Variants in ARHGEF28 observed in about 807,000 individuals in gnomAD.
ARHGEF28 encodes the protein 190 kDa guanine nucleotide exchange factor.
ARHGEF28 carries 152 observed loss-of-function variants against 206.6 expected under a neutral mutation model. The ratio of observed to expected loss-of-function variants is 0.74; its 90% CI spans 0.64 to 0.84. The LOEUF is 0.84. Among genes scored for constraint, ARHGEF28 ranks in the 40% least tolerant of loss-of-function variants. ARHGEF28 has a pLI of 0.00. For missense variants in ARHGEF28, 2,028 were observed against 2,073.2 expected (o/e 0.98, Z 0.42); for synonymous variants, 763 against 776.4 (o/e 0.98, Z 0.29).
chr5:73,709,402 G>C (rs1749119045), intron 2 of ARHGEF28, among the ~76,000 whole-genome samples: 1 of 151,998 alleles, frequency 6.6e-6, no homozygotes, highest in Non-Finnish European at 1.5e-5. Context: ...CCTTCCTATA[G>C]TTTTGCCTTT....
intron 14 of ARHGEF28, 105 bp from the exon 15 acceptor site, chr5:73,857,551 A>C (rs1483666940): frequency 2.5e-6 from 3 of 1,210,392 alleles, no homozygotes; most frequent in Non-Finnish European, 2.2e-6. Flanking sequence ...ATACATACAC[A>C]TACATATATG....
chr5:73,847,843 A>C (rs141224739), intron 12 of ARHGEF28, among the ~76,000 whole-genome samples: 107 of 152,314 alleles, frequency 7.0e-4, no homozygotes, highest in Non-Finnish European at 9.0e-4. Flanking sequence ...TTATAGGACA[A>C]CTTGGGTTGG....
chr5:73,656,160 G>A (rs1423769232), intron 1 of ARHGEF28, among the ~76,000 whole-genome samples: 1 of 152,162 alleles, frequency 6.6e-6, no homozygotes, highest in Non-Finnish European at 1.5e-5. Flanking sequence ...CCTTAAGGGC[G>A]AGAATGGTCT....
At chr5:73,747,429 T>A (rs1751782525) in intron 2 of ARHGEF28, among the ~76,000 whole-genome samples, 1 of 152,224 alleles carries the variant, frequency 6.6e-6, no homozygotes, top group Admixed American at 6.5e-5. Flanking sequence ...TACTTGCATA[T>A]TCTTTCAGAA....
At chr5:73,650,957 C>G (rs760734665) in intron 1 of ARHGEF28, among the ~76,000 whole-genome samples, 1 of 152,162 alleles carries the variant, frequency 6.6e-6, no homozygotes, top group Non-Finnish European at 1.5e-5. Context: ...CTTTTGTAAA[C>G]GTGTCCCAAC....
chr5:73,891,675 C>G (rs1169030950), intron 26 of ARHGEF28, among the ~76,000 whole-genome samples: 1 of 152,018 alleles, frequency 6.6e-6, no homozygotes, highest in Non-Finnish European at 1.5e-5. Context: ...CAGGCGCACA[C>G]CAGCACATCT....
intron 25 of ARHGEF28, among the ~76,000 whole-genome samples, chr5:73,886,338 G>C (rs1216113370): frequency 6.6e-6 from 1 of 152,192 alleles, no homozygotes; most frequent in East Asian, 1.9e-4. Context: ...GAATTTGCAA[G>C]TTTGTGATGT....
At chr5:73,676,870 C>T (rs1031943956) in intron 1 of ARHGEF28, among the ~76,000 whole-genome samples, 1 of 152,168 alleles carries the variant, frequency 6.6e-6, no homozygotes, top group South Asian at 2.1e-4. Flanking sequence ...TAGGCATGGC[C>T]TATGGTGTGT....
chr5:73,855,075 G>A (rs1032113054), intron 14 of ARHGEF28, among the ~76,000 whole-genome samples: 2 of 152,130 alleles, frequency 1.3e-5, no homozygotes, highest in Admixed American at 1.3e-4. Context: ...GTTCTGGGAT[G>A]TTAAAAATAA....
chr5:73,709,700 A>G (rs1171970914), intron 2 of ARHGEF28, among the ~76,000 whole-genome samples: 1 of 152,156 alleles, frequency 6.6e-6, no homozygotes, highest in Non-Finnish European at 1.5e-5. Flanking sequence ...TGCCCTCAGC[A>G]TTCCTTCTGG....
At chr5:73,913,161 T>TA (rs935521508) in intron 35 of ARHGEF28, among the ~76,000 whole-genome samples, 1 of 152,204 alleles carries the variant, frequency 6.6e-6, no homozygotes, top group Non-Finnish European at 1.5e-5. Context: ...GAAATGTACT[T>TA]ACGCTTAAGA....
chr5:73,833,877 T>C (rs2112563020), intron 10 of ARHGEF28, among the ~76,000 whole-genome samples: 1 of 152,166 alleles, frequency 6.6e-6, no homozygotes, highest in South Asian at 2.1e-4. Context: ...GAGAACAGCA[T>C]GGGGAAAACC....
intron 35 of ARHGEF28, among the ~76,000 whole-genome samples, chr5:73,919,065 C>G (rs1403198105): frequency 6.6e-6 from 1 of 152,114 alleles, no homozygotes; most frequent in Non-Finnish European, 1.5e-5. Flanking sequence ...CTTAGTTTCC[C>G]CATCTGTACA....
chr5:73,713,033 C>T (rs1009421053), intron 2 of ARHGEF28, among the ~76,000 whole-genome samples: 1 of 152,100 alleles, frequency 6.6e-6, no homozygotes, highest in Non-Finnish European at 1.5e-5. Context: ...CTTTCTCTTG[C>T]AGATGGGGTA....
intron 1 of ARHGEF28, among the ~76,000 whole-genome samples, chr5:73,665,346 G>A (rs1318642798): frequency 1.3e-5 from 2 of 152,088 alleles, no homozygotes; most frequent in Non-Finnish European, 2.9e-5. Context: ...TTTAGAGACA[G>A]GGTCTTGCTC....
At position 73,752,968 on chromosome 5, in the gene ARHGEF28, C is replaced by G; in HGVS notation, c.241C>G (p.Pro81Ala). Residue 81 changes from proline to alanine, a missense_variant, in exon 4 of 36, where the codon CCG (proline) becomes GCG (alanine). By Grantham distance (27) the Pro-to-Ala change is conservative. This residue lies in a region of ARHGEF28 where 1,002 missense variants were observed against 1,015.3 expected (regional missense o/e 0.99). Transcript: ENST00000513042. ...GTGCCTCTGCTCGGAAGGTTACTCT[C>G]CGGTGACCATGGGCTCTGGCTCAGT... ...SVCLCSEGYS[P>A]VTMGSGSVTY... 6.2e-7 allele frequency: 1 copy of G among 1,613,846 alleles called. No individual in the cohort carries two copies. The highest frequency in any genetic ancestry group is 8.5e-7 in the Non-Finnish European group (1 of 1,179,822).
At chr5:73,822,412 G>A (rs1160490107) in intron 9 of ARHGEF28, among the ~76,000 whole-genome samples, 4 of 152,170 alleles carry the variant, frequency 2.6e-5, no homozygotes, top group Non-Finnish European at 5.9e-5. Flanking sequence ...AGATATTCTT[G>A]CTACATATTA....
At chr5:73,854,348 T>C (rs1458970871) in intron 14 of ARHGEF28, among the ~76,000 whole-genome samples, 1 of 152,214 alleles carries the variant, frequency 6.6e-6, no homozygotes, top group Non-Finnish European at 1.5e-5. Context: ...TGCAGGCTCA[T>C]TTCAGCAGAC....
chr5:73,914,302 T>C (rs752933306), intron 35 of ARHGEF28, among the ~76,000 whole-genome samples: 16 of 151,720 alleles, frequency 1.1e-4, no homozygotes, highest in Admixed American at 7.2e-4. Flanking sequence ...CCAGATCACA[T>C]AGCTAGTAAA....
Sources: allele counts gnomAD v4.1 joint callset (sites outside exome capture counted in the v4.1 genomes callset), GRCh38; gene constraint gnomAD v4.1.1; regional missense constraint gnomAD v4.1.1; transcripts MANE v1.5; gene names NCBI Gene and HGNC (gene_info 2026-07-23, HGNC 2026-07-21).